EYA1: variants seen among roughly 807,000 people sequenced by gnomAD.
EYA1 encodes the protein EYA transcriptional coactivator and phosphatase 1.
Under a neutral mutation model 82.0 loss-of-function variants are expected in EYA1, and 16 were observed. That is an observed-to-expected ratio of 0.20 (90% confidence interval 0.13 to 0.30). EYA1 has a LOEUF of 0.30. EYA1 is among the 10% of genes least tolerant of loss of function. EYA1 has a pLI of 1.00. For synonymous variants in EYA1, 261 were observed against 264.4 expected (o/e 0.99, Z 0.12); for missense variants, 633 against 730.7 (o/e 0.87, Z 1.54).
At position 71,197,923 on chromosome 8, in the gene EYA1, T is replaced by G. The variant is rs1435084965; in HGVS notation, c.*1417A>C. The G allele has an allele frequency of 6.6e-6, 1 of 152,228 alleles. No individual in the cohort carries two copies. The highest frequency in any genetic ancestry group is 1.5e-5 in the Non-Finnish European group (1 of 68,032). The allele number at this position is 152,228 out of a possible 1,614,324, so 9.4% of individuals were successfully genotyped here. ...TGATAATTTTATTATTTCCCCAGAT[T>G]GATGCCTGTCATGTAGTACATAATG... is the stretch of plus-strand genomic sequence containing the variant. On this transcript the variant is annotated 3_prime_UTR_variant, in exon 18 of 18. Coordinates refer to ENST00000340726, the MANE Select transcript of EYA1 (RefSeq NM_000503.6).
At chr8:71,520,807 C>A (rs1026327519) in intron 2 of EYA1, among the ~76,000 whole-genome samples, 1 of 151,780 alleles carries the variant, frequency 6.6e-6, no homozygotes, top group African/African-American at 2.4e-5. Flanking sequence ...TTTTTACATT[C>A]AAAAATATAT....
chr8:71,360,775 C>T (rs939893691), intron 1 of EYA1, among the ~76,000 whole-genome samples: 1 of 152,204 alleles, frequency 6.6e-6, no homozygotes, highest in Non-Finnish European at 1.5e-5. Flanking sequence ...TGCTTACTAT[C>T]GACCTTTTGT....
At chr8:71,250,390 C>T (rs984967595) in intron 11 of EYA1, among the ~76,000 whole-genome samples, 1 of 152,196 alleles carries the variant, frequency 6.6e-6, no homozygotes, top group Non-Finnish European at 1.5e-5. Context: ...AGGCAGCGCT[C>T]CCCGCTGGGC....
At chr8:71,342,307 A>G (rs1294655718) in intron 3 of EYA1, among the ~76,000 whole-genome samples, 1 of 152,126 alleles carries the variant, frequency 6.6e-6, no homozygotes, top group Non-Finnish European at 1.5e-5. Context: ...AACCTTATCT[A>G]CTATCAATTC....
chr8:71,378,516 T>C (rs1828506914), intron 2 of EYA1, among the ~76,000 whole-genome samples: 1 of 152,176 alleles, frequency 6.6e-6, no homozygotes, highest in Non-Finnish European at 1.5e-5. Flanking sequence ...TATGAGGTGA[T>C]ATTTTCTTGG....
At chr8:71,349,934 A>G (rs1288140304) in intron 3 of EYA1, among the ~76,000 whole-genome samples, 1 of 152,234 alleles carries the variant, frequency 6.6e-6, no homozygotes, top group African/African-American at 2.4e-5. Context: ...GACATGTGAA[A>G]ATTATTCCCA....
intron 2 of EYA1, among the ~76,000 whole-genome samples, chr8:71,456,708 T>C (rs555062516): frequency 6.6e-6 from 1 of 152,214 alleles, no homozygotes; most frequent in Non-Finnish European, 1.5e-5. Flanking sequence ...GCTAGCCATA[T>C]GTAGGAAGCT....
intron 2 of EYA1, among the ~76,000 whole-genome samples, chr8:71,412,492 A>C (rs1290195460): frequency 6.6e-6 from 1 of 152,160 alleles, no homozygotes; most frequent in African/African-American, 2.4e-5. Context: ...CATATGTTTA[A>C]GTGACCTTAT....
chr8:71,383,599 AT>A (rs1243624046), intron 2 of EYA1, among the ~76,000 whole-genome samples: 4 of 152,156 alleles, frequency 2.6e-5, no homozygotes, highest in Non-Finnish European at 5.9e-5. Context: ...AAGTTTAAGG[AT>A]GATACAGATA....
chr8:71,451,630 C>A (rs906717523), intron 2 of EYA1, among the ~76,000 whole-genome samples: 4 of 152,154 alleles, frequency 2.6e-5, no homozygotes, highest in African/African-American at 9.7e-5. Flanking sequence ...TTTACCTTTA[C>A]CACAGAAGGT....
At chr8:71,414,784 G>C (rs1163818385) in intron 2 of EYA1, among the ~76,000 whole-genome samples, 1 of 152,150 alleles carries the variant, frequency 6.6e-6, no homozygotes, top group Non-Finnish European at 1.5e-5. Flanking sequence ...ATATGCATCT[G>C]ATAGTTAGGT....
At chr8:71,288,708 G>A (rs1005894815) in intron 9 of EYA1, among the ~76,000 whole-genome samples, 8 of 152,258 alleles carry the variant, frequency 5.3e-5, no homozygotes, top group African/African-American at 1.9e-4. Context: ...TCACAGAAAC[G>A]ATGTCAGACA....
At chr8:71,499,207 C>G (rs1055566099) in intron 2 of EYA1, among the ~76,000 whole-genome samples, 3 of 152,210 alleles carry the variant, frequency 2.0e-5, no homozygotes, top group Non-Finnish European at 2.9e-5. Context: ...AGTCACCTCT[C>G]ACTGCTAGAG....
rs557928787 is a variant in EYA1 at position 71,508,150 on chromosome 8, C to T, written c.33+27594G>A. ...CCTTGTGCTTCTGCACTTTCTCCTT[C>T]GTTTGAGTTTCCATTTCTCCGCATT... is the stretch of plus-strand genomic sequence containing the variant. On this transcript the variant is annotated intron_variant, in intron 2 of 18. Transcript: ENST00000643681. 8.8e-4 allele frequency among the ~76,000 whole-genome samples: 134 copies of T among 152,250 alleles called. 1 individual carries two copies. Among genetic ancestry groups the T allele is most frequent in the African/African-American group, 2.9e-3 (119 of 41,536 alleles).
At chr8:71,366,000 T>C (rs1827730201), upstream of EYA1, among the ~76,000 whole-genome samples, 1 of 152,216 alleles carries the variant, frequency 6.6e-6, no homozygotes, top group African/African-American at 2.4e-5. Context: ...TTTTAATACA[T>C]ATTACAGTCT....
intron 2 of EYA1, among the ~76,000 whole-genome samples, chr8:71,453,866 T>C (rs546741380): frequency 4.1e-4 from 62 of 152,284 alleles, no homozygotes; most frequent in African/African-American, 1.5e-3. Context: ...CATCAACTAA[T>C]GAGCAAAATA....
chr8:71,199,990 AGTT>A (rs1806763494), intron 17 of EYA1: 1 of 156,270 alleles, frequency 6.4e-6, no homozygotes, highest in Non-Finnish European at 1.4e-5. Flanking sequence ...AGGTTTTTGC[AGTT>A]GTTGTTATTT....
intron 17 of EYA1, among the ~76,000 whole-genome samples, chr8:71,203,768 T>C (rs1394520800): frequency 2.6e-5 from 4 of 152,152 alleles, no homozygotes; most frequent in East Asian, 1.9e-4. Context: ...TCGGGAAGGA[T>C]GGACCAAAGA....
intron 10 of EYA1, 72 bp from the exon 11 acceptor site, chr8:71,269,895 CGAAA>C (rs1816308375): frequency 1.8e-6 from 2 of 1,120,260 alleles, no homozygotes; most frequent in African/African-American, 3.1e-5. Context: ...AACTTCAACA[CGAAA>C]AAGTCATCTT....
Sources: allele counts gnomAD v4.1 joint callset (sites outside exome capture counted in the v4.1 genomes callset), GRCh38; gene constraint gnomAD v4.1.1; transcripts MANE v1.5; gene names NCBI Gene and HGNC (gene_info 2026-07-23, HGNC 2026-07-21).